CYP2J2: variants seen among roughly 807,000 people sequenced by gnomAD.
The protein encoded by CYP2J2 is cytochrome P450 family 2 subfamily J member 2, also known as cytochrome P450 2J2.
In CYP2J2, 41 loss-of-function variants were observed where a neutral mutation model predicts 48.8. The observed-to-expected ratio is 0.84, with a 90% CI of 0.66 to 1.09. The LOEUF is 1.09. Among genes scored for constraint, CYP2J2 ranks in the 50% least tolerant of loss-of-function variants. The pLI, the probability that CYP2J2 is intolerant of heterozygous loss-of-function variation, is 0.00. For missense variants in CYP2J2, 644 were observed against 617.3 expected (o/e 1.04, Z -0.46); for synonymous variants, 221 against 227.1 (o/e 0.97, Z 0.24).
chr1:59,900,830 A>G (rs1268355943), intron 8 of CYP2J2, 135 bp downstream of exon 8: 44 of 995,718 alleles, frequency 4.4e-5, no homozygotes, highest in Non-Finnish European at 6.6e-5. Context: ...GCTGCCCCCT[A>G]CAGCAAGATG....
At chr1:59,909,210 C>T (rs1413328803) in intron 5 of CYP2J2, among the ~76,000 whole-genome samples, 1 of 152,122 alleles carries the variant, frequency 6.6e-6, no homozygotes, top group Non-Finnish European at 1.5e-5. Flanking sequence ...AATATTGCCC[C>T]TATTTTTACT....
intron 1 of CYP2J2, 102 bp downstream of exon 1, chr1:59,926,434 TC>T: frequency 5.2e-6 from 5 of 955,870 alleles, no homozygotes; most frequent in Non-Finnish European, 6.7e-6. Flanking sequence ...CCACACCTCT[TC>T]CTGCCCTTCA....
chr1:59,938,892 G>A, the CYP2J2 span, among the ~76,000 whole-genome samples: 134 of 152,354 alleles, frequency 8.8e-4, 1 homozygote, highest in African/African-American at 3.0e-3. Context: ...ATCGAGACTA[G>A]AGAATGGCGA....
intron 3 of CYP2J2, 62 bp downstream of exon 3, chr1:59,912,100 A>C: frequency 6.6e-7 from 1 of 1,513,162 alleles, no homozygotes; most frequent in Non-Finnish European, 8.9e-7. Flanking sequence ...CTCACTTAGT[A>C]AGTATCTGTC....
At chr1:59,901,559 T>C (rs971315833) in intron 7 of CYP2J2, among the ~76,000 whole-genome samples, 1 of 152,162 alleles carries the variant, frequency 6.6e-6, no homozygotes, top group Non-Finnish European at 1.5e-5. Flanking sequence ...TCCTCCAATG[T>C]CTAGTACATG....
the CYP2J2 span, among the ~76,000 whole-genome samples, chr1:59,968,835 GACTTCAAGAATGA>G: frequency 2.0e-5 from 3 of 152,236 alleles, no homozygotes. Context: ...TGGTCTCATT[GACTTCAAGAATGA>G]AGCCGCGGAC....
At position 59,909,865 on chromosome 1, in the gene CYP2J2, A is replaced by T. The variant is rs1162633539; in HGVS notation, c.780T>A (p.His260Gln). Reference protein sequence around the residue: ...NWKKLKLFVSHMIDKHRKDWN... With the variant: ...NWKKLKLFVSQMIDKHRKDWN... The stretch of plus-strand genomic sequence containing the variant: ...AATCCTTTCTGTGTTTGTCAATCAT[A>T]TGAGAAACAAACAATTTCAGTTTTT... Residue 260 changes from histidine to glutamine, a missense_variant, in exon 5 of 9, where the codon CAT (histidine) becomes CAA (glutamine). Transcript: ENST00000371204. 1 of 1,612,522 alleles carries T rather than the reference A, an allele frequency of 6.2e-7. No individual in the cohort carries two copies. The highest frequency in any genetic ancestry group is 2.2e-5 in the East Asian group (1 of 44,744).
the CYP2J2 span, among the ~76,000 whole-genome samples, chr1:59,955,351 C>T: frequency 1.0e-3 from 149 of 146,488 alleles, no homozygotes; most frequent in African/African-American, 3.2e-3. Flanking sequence ...TTCTTGCTTA[C>T]GAGAGAATGC....
the CYP2J2 span, among the ~76,000 whole-genome samples, chr1:59,967,067 T>TCCA: frequency 6.6e-6 from 1 of 152,158 alleles, no homozygotes; most frequent in Non-Finnish European, 1.5e-5. Flanking sequence ...GACCTTGGCC[T>TCCA]CCATCTCTGA....
At position 59,893,824 on chromosome 1, in the gene CYP2J2, G is replaced by A. The variant is rs201379188; in HGVS notation, c.1336C>T (p.Arg446Trp). Residue 446 changes from arginine (R) to tryptophan (W), a missense_variant, in exon 9 of 9, where the codon CGG becomes TGG. Physicochemically the swap from Arg to Trp is moderately radical, Grantham distance 101. Transcript: ENST00000371204. ...GCCAACTGTTCTCCGAGGCATGCCC[G>A]CTTTCCTGTAAGACAAAATCAAAAG... Reference protein sequence around the residue: ...EAFMPFSIGKRACLGEQLART... With the variant: ...EAFMPFSIGKWACLGEQLART... 2.2e-5 allele frequency: 35 copies of A among 1,598,730 alleles called. No individual in the cohort carries two copies. The South Asian group carries it at 3.0e-4, about 14-fold the overall frequency.
At chr1:59,896,202 G>C (rs1462824100) in intron 8 of CYP2J2, among the ~76,000 whole-genome samples, 2 of 151,952 alleles carry the variant, frequency 1.3e-5, no homozygotes, top group African/African-American at 4.8e-5. Flanking sequence ...TTGCTCTCCA[G>C]ATGTTGTTGC....
intron 8 of CYP2J2, among the ~76,000 whole-genome samples, chr1:59,900,147 A>G (rs1463917147): frequency 3.3e-5 from 5 of 152,244 alleles, no homozygotes; most frequent in Non-Finnish European, 5.9e-5. Flanking sequence ...TACAAAGGCC[A>G]AAGAACCTTT....
At chr1:59,926,813 G>T (rs914841438), upstream of CYP2J2, 3 of 1,412,812 alleles carry the variant, frequency 2.1e-6, no homozygotes, top group African/African-American at 1.4e-5. Context: ...GACGGTCCCC[G>T]CCCCGCCTCG....
At chr1:59,942,563 T>C in the CYP2J2 span, among the ~76,000 whole-genome samples, 1 of 152,144 alleles carries the variant, frequency 6.6e-6, no homozygotes, top group East Asian at 1.9e-4. Flanking sequence ...TAGAAGCCGT[T>C]GAAGCTTTTT....
At chr1:59,909,253 T>C (rs1644390361) in intron 5 of CYP2J2, among the ~76,000 whole-genome samples, 1 of 152,194 alleles carries the variant, frequency 6.6e-6, no homozygotes, top group South Asian at 2.1e-4. Flanking sequence ...CCCGCAAAGA[T>C]ATCCATTCAC....
intron 8 of CYP2J2, among the ~76,000 whole-genome samples, chr1:59,894,233 G>A (rs1440992493): frequency 1.3e-5 from 2 of 152,174 alleles, no homozygotes; most frequent in Non-Finnish European, 2.9e-5. Flanking sequence ...TAAAAAAATT[G>A]TTGAAAATAT....
intron 1 of CYP2J2, 145 bp from the exon 2 acceptor site, chr1:59,916,245 G>A (rs1644465051): frequency 5.1e-6 from 3 of 590,264 alleles, no homozygotes; most frequent in East Asian, 2.9e-5. Context: ...GTGTGTGTGT[G>A]AGTGAGTGTA....
intron 8 of CYP2J2, among the ~76,000 whole-genome samples, chr1:59,898,469 C>T (rs1297292674): frequency 6.6e-6 from 1 of 152,140 alleles, no homozygotes; most frequent in African/African-American, 2.4e-5. Flanking sequence ...GGGGGCCGAG[C>T]CAAGATGGGC....
chr1:59,954,678 T>C, the CYP2J2 span, among the ~76,000 whole-genome samples: 1 of 151,994 alleles, frequency 6.6e-6, no homozygotes, highest in African/African-American at 2.4e-5. Flanking sequence ...ATATTTTAAA[T>C]ATATTATAGG....
Sources: gnomAD v4.1 joint callset for allele counts (sites outside exome capture counted in the v4.1 genomes callset) on GRCh38, gnomAD v4.1.1 for gene constraint, MANE v1.5 for transcripts, NCBI Gene and HGNC (gene_info 2026-07-23, HGNC 2026-07-21) for gene names.